Variants in SCN4A observed in about 807,000 individuals in gnomAD.
The protein encoded by SCN4A is sodium voltage-gated channel alpha subunit 4.
In SCN4A, 83 loss-of-function variants were observed where a neutral mutation model predicts 162.0. The ratio of observed to expected loss-of-function variants is 0.51; its 90% confidence interval spans 0.43 to 0.61. The LOEUF is 0.61. Ranked by LOEUF, SCN4A falls within the 20% of genes least tolerant of loss-of-function variation. SCN4A has a pLI of 0.00. For synonymous variants in SCN4A, 944 were observed against 985.1 expected, an observed-to-expected ratio of 0.96 and a Z score of 0.78; for missense variants, 2,196 against 2,462.5, an observed-to-expected ratio of 0.89 and a Z score of 2.29.
chr17:63,966,159 G>A lies in SCN4A; in HGVS notation c.1185C>T (p.Ala395=). The A allele has an allele frequency of 6.3e-7, 1 of 1,594,130 alleles. No individual in the cohort carries two copies. Among genetic ancestry groups the A allele is most frequent in the Non-Finnish European group, 8.5e-7 (1 of 1,170,332 alleles). The change falls in exon 8 of 24, where the codon GCC becomes GCT. Residue 395 remains alanine (A), a synonymous_variant. Transcript: ENST00000435607. ...TCATGAGGCGGAAGAGAGCCAAGAAGGCCCAGCTGAAGGTGTCATAGCTGG... is the reference window on the plus strand; with the variant it reads ...TCATGAGGCGGAAGAGAGCCAAGAAAGCCCAGCTGAAGGTGTCATAGCTGG... ...GYTSYDTFSW[A]FLALFRLMTQ...
intron 6 of SCN4A, 33 bp from the exon 7 acceptor site, chr17:63,966,577 T>C: frequency 1.3e-6 from 2 of 1,558,676 alleles, no homozygotes; most frequent in Non-Finnish European, 1.8e-6. Context: ...AGGAGGCAAG[T>C]CACCCACATG....
At chr17:63,958,789 G>A (rs542574743) in intron 12 of SCN4A, among the ~76,000 whole-genome samples, 43 of 152,374 alleles carry the variant, frequency 2.8e-4, no homozygotes, top group African/African-American at 1.0e-3. Flanking sequence ...CTGACCTCAG[G>A]TGATCCACGC....
Position 63,968,309 on chromosome 17 carries a change from C to A in SCN4A, c.750G>T (p.Leu250=). ...AGACAGTGAGGATCATCACATCCGA[C>A]AGCTTTTTCACCGACTGGATCAGGG... The part of the protein sequence containing the change: ...VGALIQSVKK[L]SDVMILTVFC... The change falls in exon 6 of 24, where the codon CTG becomes CTT. Residue 250 remains leucine, a synonymous_variant. Transcript: ENST00000435607. 6.2e-7 allele frequency: 1 copy of A among 1,610,378 alleles called. No homozygotes were observed. Among genetic ancestry groups the A allele is most frequent in the Non-Finnish European group, 8.5e-7 (1 of 1,176,904 alleles).
At chr17:63,966,425 C>A in intron 7 of SCN4A, 56 bp downstream of exon 7, 2 of 1,533,644 alleles carry the variant, frequency 1.3e-6, no homozygotes, top group Non-Finnish European at 1.8e-6. Flanking sequence ...CTCTAATCAG[C>A]TCCCACCTTC....
At chr17:63,943,304 G>C (rs2144776801) in intron 22 of SCN4A, among the ~76,000 whole-genome samples, 1 of 151,592 alleles carries the variant, frequency 6.6e-6, no homozygotes, top group South Asian at 2.1e-4. Flanking sequence ...GATCATGACA[G>C]GTCTGGGACC....
chr17:63,955,830 C>T (rs1033807662), intron 13 of SCN4A, among the ~76,000 whole-genome samples: 1 of 152,170 alleles, frequency 6.6e-6, no homozygotes, highest in Non-Finnish European at 1.5e-5. Flanking sequence ...GAGGTGACAC[C>T]CCCTTCCCTC....
At chr17:63,971,327 C>G in intron 4 of SCN4A, 74 bp from the exon 5 acceptor site, 1 of 839,354 alleles carries the variant, frequency 1.2e-6, no homozygotes, top group South Asian at 1.4e-5. Flanking sequence ...CAGGGCTCCT[C>G]CAGGCCTGGG....
At chr17:63,956,279 C>G (rs58966350) in intron 13 of SCN4A, among the ~76,000 whole-genome samples, 2,736 of 152,282 alleles carry the variant, frequency 0.018, 84 homozygotes, top group African/African-American at 0.062. Context: ...CTTGCTCTGC[C>G]CCCCCATGCT....
Position 63,944,903 on chromosome 17 carries a change from GGCTGCCAAGTCTCGGGGACAGAACGT to G in SCN4A, c.3774+78_3775-94del. The stretch of plus-strand genomic sequence containing the variant: ...GAGGGCAGGACCCATCCACCCCCAG[GGCTGCCAAGTCTCGGGGACAGAACGT>G]GCTGCCAAGTCTCCCTCCTGTCTTG... On this transcript the variant is annotated intron_variant, in intron 20 of 23. Transcript: ENST00000435607. This position sits in a 1 kb window ranked among gnomAD's most constrained non-coding sequence, Gnocchi z 4.3. 3 of 1,593,030 alleles carry G rather than the reference GGCTGCCAAGTCTCGGGGACAGAACGT, an allele frequency of 1.9e-6. No individual in the cohort carries two copies. The highest frequency in any genetic ancestry group is 2.6e-6 in the Non-Finnish European group (3 of 1,166,908).
At position 63,948,675 on chromosome 17, in the gene SCN4A, A is replaced by G. The variant is rs772835617; in HGVS notation, c.3080T>C (p.Ile1027Thr). 15 of 1,613,730 alleles carry G rather than the reference A, an allele frequency of 9.3e-6. No homozygotes were observed. Among genetic ancestry groups the G allele is most frequent in the Non-Finnish European group, 1.1e-5 (13 of 1,179,874 alleles). ...GGTCTCGAACCAGTTGTGCTCGACA[A>G]TCTTGAAGCAGGCCCTGCGCAGAGT... ...WWTLRRACFK[I>T]VEHNWFETFI... The change falls in exon 16 of 24, where the codon ATT becomes ACT. Residue 1027 changes from isoleucine to threonine, a missense_variant. By Grantham distance (89) the Ile-to-Thr change is moderately conservative. Transcript: ENST00000435607.
chr17:63,954,997 G>A (rs963691127), intron 13 of SCN4A, among the ~76,000 whole-genome samples: 2 of 152,234 alleles, frequency 1.3e-5, no homozygotes, highest in South Asian at 2.1e-4. Flanking sequence ...ACAGGTGGGC[G>A]TGAGGATGAG....
chr17:63,946,462 G>GCCCCCCCCCCCCCCCC (rs374261223), intron 18 of SCN4A, among the ~76,000 whole-genome samples: 1 of 106,662 alleles, frequency 9.4e-6, no homozygotes, highest in African/African-American at 4.4e-5. Flanking sequence ...CATTTTTCTT[G>GCCCCCCCCCCCCCCCC]CCCCCCCCCC....
intron 13 of SCN4A, among the ~76,000 whole-genome samples, chr17:63,956,935 C>A (rs1158427048): frequency 6.6e-6 from 1 of 152,228 alleles, no homozygotes; most frequent in Non-Finnish European, 1.5e-5. Context: ...AGGCCTAGGC[C>A]CAGAGCTGCT....
chr17:63,945,341 G>A lies in SCN4A; in HGVS notation c.3720+19C>T, dbSNP rs367980745. ...CACCTCCATCCAGGTTCCCGGCAGG[G>A]GTGGTGGGTCACACTCACCACCTGC... On this transcript the variant is annotated intron_variant, in intron 19 of 23. Coordinates refer to ENST00000435607, the MANE Select transcript of SCN4A (RefSeq NM_000334.4). The surrounding 1 kb of genome is among the most constrained non-coding windows in gnomAD (Gnocchi z 4.4). 15 of 1,598,932 alleles carry A rather than the reference G, an allele frequency of 9.4e-6. No homozygotes were observed. The highest frequency in any genetic ancestry group is 4.5e-5 in the East Asian group (2 of 44,624).
At chr17:63,954,068 G>T (rs1476597362) in intron 13 of SCN4A, among the ~76,000 whole-genome samples, 2 of 152,184 alleles carry the variant, frequency 1.3e-5, no homozygotes, top group African/African-American at 4.8e-5. Flanking sequence ...CCCTGGGGGA[G>T]TGAGAGGGCA....
At chr17:63,965,296 G>C (rs1048026792) in intron 8 of SCN4A, among the ~76,000 whole-genome samples, 2 of 151,994 alleles carry the variant, frequency 1.3e-5, no homozygotes, top group African/African-American at 4.8e-5. Context: ...TGCCTGCCTC[G>C]GCCTCCCATA....
rs1346442665 is a variant in SCN4A, at chr17:63,951,713, A to G, written c.2564T>C (p.Met855Thr). The change falls in exon 14 of 24, where the codon ATG (methionine) becomes ACG (threonine). Residue 855 changes from methionine (M) to threonine (T), a missense_variant. Transcript: ENST00000435607. The surrounding 1 kb of genome is among the most constrained non-coding windows in gnomAD (Gnocchi z 4.5). ...HGKILSPKDI[M>T]LSLGEADGAG... is the part of the protein sequence containing the mutation. ...CCCGTCAGCCTCCCCGAGGCTGAGC[A>G]TGATGTCCTTGGGGCTCAGGATCTT... is the stretch of plus-strand genomic sequence containing the variant. 5.0e-6 allele frequency: 8 copies of G among 1,595,946 alleles called. No individual in the cohort carries two copies. The highest frequency in any genetic ancestry group is 6.8e-6 in the Non-Finnish European group (8 of 1,171,184).
At chr17:63,967,868 G>A (rs1384945097) in intron 6 of SCN4A, among the ~76,000 whole-genome samples, 155 bp downstream of exon 6, 3 of 151,882 alleles carry the variant, frequency 2.0e-5, no homozygotes, top group Non-Finnish European at 4.4e-5. Context: ...GGGAGGCGGA[G>A]GTTGTAGTGA....
In SCN4A at chr17:63,962,468, G is replaced by C. The variant is rs1158555036; in HGVS notation, c.1607-1037C>G. On this transcript the variant is annotated intron_variant, in intron 10 of 23. Transcript: ENST00000435607. The stretch of plus-strand genomic sequence containing the variant: ...TGGCCTTGGTGGGCTGTTTGGCTGT[G>C]TGGAAATATGGGGCACGGTGGGGAC... 3.9e-5 allele frequency among the ~76,000 whole-genome samples: 6 copies of C among 152,310 alleles called. No individual in the cohort carries two copies. In the East Asian group the frequency reaches 1.2e-3, roughly 29 times the overall value.
Sources: allele counts gnomAD v4.1 joint callset (sites outside exome capture counted in the v4.1 genomes callset), GRCh38; gene constraint gnomAD v4.1.1; non-coding constraint Gnocchi (gnomAD v3.1); transcripts MANE v1.5; gene names NCBI Gene and HGNC (gene_info 2026-07-23, HGNC 2026-07-21).